AKAP1: variants seen among roughly 807,000 people sequenced by gnomAD.
AKAP1 encodes the protein A-kinase anchor protein 1, mitochondrial.
In AKAP1, 32 loss-of-function variants were observed where a neutral mutation model predicts 79.8. The ratio of observed to expected loss-of-function variants is 0.40; its 90% CI spans 0.30 to 0.54. The LOEUF is 0.54. Among genes scored for constraint, AKAP1 ranks in the 20% least tolerant of loss-of-function variants. The pLI is 0.47. For missense variants in AKAP1, 961 were observed against 1,138.9 expected (o/e 0.84, Z 2.25); for synonymous variants, 416 against 466.7 (o/e 0.89, Z 1.40).
At position 57,111,824 on chromosome 17, in the gene AKAP1, G is replaced by T; in HGVS notation, c.1875G>T (p.Lys625Asn). The change falls in exon 4 of 11, where the codon AAG (lysine) becomes AAT (asparagine). Residue 625 changes from lysine to asparagine, a missense_variant. Physicochemically the swap from Lys to Asn is moderately conservative, Grantham distance 94. Around this residue, in one of 3 missense-constraint regions of AKAP1, gnomAD observed 629 missense variants for 781.1 expected, o/e 0.81. Transcript: ENST00000337714. ...PKHLVGRLIG[K>N]QGRYVSFLKQ... ...ACTTAGTCGGTCGGCTAATTGGCAA[G>T]CAGGGGCGCTATGTGAGTTTTCTGA... is the stretch of plus-strand genomic sequence containing the variant. 1 of 1,614,074 alleles carries T rather than the reference G, an allele frequency of 6.2e-7. No individual in the cohort carries two copies.
intron 1 of AKAP1, among the ~76,000 whole-genome samples, chr17:57,088,322 A>G (rs1191050431): frequency 6.6e-6 from 1 of 152,224 alleles, no homozygotes. Context: ...GGAAAACATC[A>G]TCAGTGAGCA....
intron 10 of AKAP1, among the ~76,000 whole-genome samples, chr17:57,119,874 C>T (rs1412822335): frequency 2.4e-5 from 2 of 81,700 alleles, no homozygotes; most frequent in Non-Finnish European, 4.4e-5. Context: ...TCTTGTTATC[C>T]AGGCTGGAGT....
At chr17:57,109,100 T>C (rs927178393) in intron 2 of AKAP1, among the ~76,000 whole-genome samples, 1 of 152,232 alleles carries the variant, frequency 6.6e-6, no homozygotes, top group Non-Finnish European at 1.5e-5. Context: ...TATGGGTTAC[T>C]TGGCAAAGGA....
intron 9 of AKAP1, 39 bp downstream of exon 9, chr17:57,118,493 G>T: frequency 1.2e-6 from 2 of 1,607,098 alleles, no homozygotes; most frequent in Non-Finnish European, 1.7e-6. Context: ...AGGCTGGCTG[G>T]GTTCTTGGGA....
At chr17:57,115,441 ACAGT>A (rs1184180579) in intron 6 of AKAP1, among the ~76,000 whole-genome samples, 4 of 152,236 alleles carry the variant, frequency 2.6e-5, no homozygotes, top group African/African-American at 9.6e-5. Context: ...AGGACCCAGC[ACAGT>A]CAGCCTCATG....
chr17:57,119,236 G>A (rs1915773532), intron 10 of AKAP1, among the ~76,000 whole-genome samples, 192 bp downstream of exon 10: 1 of 152,134 alleles, frequency 6.6e-6, no homozygotes, highest in African/African-American at 2.4e-5. Context: ...TAGAGGCCAA[G>A]GATGCCACTA....
At chr17:57,118,212 A>G (rs1017551944) in intron 8 of AKAP1, among the ~76,000 whole-genome samples, 169 bp from the exon 9 acceptor site, 3 of 152,122 alleles carry the variant, frequency 2.0e-5, no homozygotes, top group Admixed American at 1.3e-4. Flanking sequence ...TGGGAGTCAT[A>G]TGGAGGCCTA....
intron 3 of AKAP1, among the ~76,000 whole-genome samples, chr17:57,111,304 A>G (rs1054874466): frequency 6.6e-6 from 1 of 152,216 alleles, no homozygotes; most frequent in African/African-American, 2.4e-5. Flanking sequence ...GCGGGAGCCC[A>G]GGGTTCTTAG....
At chr17:57,108,195 A>G in intron 2 of AKAP1, 1 of 300,472 alleles carries the variant, frequency 3.3e-6, no homozygotes, top group Non-Finnish European at 5.8e-6. Flanking sequence ...TAGGTTGGGA[A>G]TCTTTATTGG....
intron 8 of AKAP1, 68 bp downstream of exon 8, chr17:57,116,995 G>A: frequency 2.1e-6 from 3 of 1,439,414 alleles, no homozygotes; most frequent in Non-Finnish European, 2.9e-6. Context: ...CTTTCTCAGA[G>A]CCTCCGTTCT....
intron 1 of AKAP1, 151 bp from the exon 2 acceptor site, chr17:57,105,290 C>T (rs959794809): frequency 8.4e-5 from 62 of 739,624 alleles, no homozygotes; most frequent in Middle Eastern, 3.6e-4. Flanking sequence ...TGGACTGGTA[C>T]GAGCTGAGAG....
Position 57,107,043 on chromosome 17 carries a change from C to T in AKAP1, c.1579C>T (p.Pro527Ser), listed in dbSNP as rs747007838. The T allele has an allele frequency of 9.9e-6, 16 of 1,614,142 alleles. No homozygotes were observed. Among genetic ancestry groups the T allele is most frequent in the Non-Finnish European group, 1.4e-5 (16 of 1,180,028 alleles). Reference sequence around the variant, plus strand: ...CTCTTGCACAGAGACCAGCTCGAGCCCCAGGGACAAGGCCATCACCCCGCC... The same window carrying T: ...CTCTTGCACAGAGACCAGCTCGAGCTCCAGGGACAAGGCCATCACCCCGCC... Reference protein sequence around the residue: ...EDSCTETSSSPRDKAITPPLP... With the variant: ...EDSCTETSSSSRDKAITPPLP... Residue 527 changes from proline (P) to serine (S), a missense_variant, in exon 2 of 11, where the codon CCC (proline) becomes TCC (serine). Physicochemically the swap from Pro to Ser is moderately conservative, Grantham distance 74 (BLOSUM62 -1). This residue lies in a region of AKAP1 where 629 missense variants were observed against 781.1 expected (regional missense o/e 0.81). Coordinates refer to ENST00000337714, the MANE Select transcript of AKAP1 (RefSeq NM_003488.4).
At chr17:57,091,903 A>G (rs775620589) in intron 1 of AKAP1, among the ~76,000 whole-genome samples, 2 of 152,002 alleles carry the variant, frequency 1.3e-5, no homozygotes, top group Non-Finnish European at 2.9e-5. Context: ...CCTTGCCCAG[A>G]CCCATTTCAA....
At chr17:57,116,374 T>C in intron 7 of AKAP1, 113 bp downstream of exon 7, 1 of 1,341,008 alleles carries the variant, frequency 7.5e-7, no homozygotes, top group Non-Finnish European at 1.0e-6. Flanking sequence ...TCTTCCCTCC[T>C]GCTGCCTACT....
intron 5 of AKAP1, among the ~76,000 whole-genome samples, chr17:57,113,594 C>CTTTTTTTTTTT (rs1036422001): frequency 1.2e-5 from 1 of 82,498 alleles, no homozygotes; most frequent in African/African-American, 5.9e-5. Context: ...GACTCACTCT[C>CTTTTTTTTTTT]TTTTTTTTTT....
chr17:57,108,073 T>TGC (rs1915007015), intron 2 of AKAP1: 1 of 1,155,260 alleles, frequency 8.7e-7, no homozygotes, highest in Non-Finnish European at 1.1e-6. Flanking sequence ...ACCCTGCTTC[T>TGC]GCAGGCACCC....
intron 1 of AKAP1, among the ~76,000 whole-genome samples, chr17:57,090,446 T>C (rs551890158): frequency 6.6e-6 from 1 of 152,190 alleles, no homozygotes; most frequent in Non-Finnish European, 1.5e-5. Flanking sequence ...CTGGACTGGC[T>C]TGGACCTGGG....
In AKAP1 at chr17:57,106,848, G is replaced by A. The variant is rs1039326441; in HGVS notation, c.1384G>A (p.Ala462Thr). The A allele has an allele frequency of 8.7e-6, 14 of 1,614,032 alleles. No homozygotes were observed. The highest frequency in any genetic ancestry group is 1.7e-5 in the Admixed American group (1 of 59,998). ...PNISAHHISL[A>T]SCLALTTPSE... is the part of the protein sequence containing the mutation. ...TATCTCTGCACACCACATCTCCCTG[G>A]CCTCCTGCCTGGCACTGACCACCCC... The change falls in exon 2 of 11, where the codon GCC (alanine) becomes ACC (threonine). Residue 462 changes from alanine to threonine, a missense_variant. Coordinates refer to ENST00000337714, the MANE Select transcript of AKAP1 (RefSeq NM_003488.4).
intron 9 of AKAP1, 71 bp downstream of exon 9, chr17:57,118,525 T>C: frequency 6.7e-7 from 1 of 1,497,252 alleles, no homozygotes; most frequent in Non-Finnish European, 9.3e-7. Flanking sequence ...AATGCCTTCT[T>C]TCCTGTGGCT....
Sources: allele counts gnomAD v4.1 joint callset (sites outside exome capture counted in the v4.1 genomes callset), GRCh38; gene constraint gnomAD v4.1.1; regional missense constraint gnomAD v4.1.1; transcripts MANE v1.5; gene names NCBI Gene and HGNC (gene_info 2026-07-23, HGNC 2026-07-21).